UBR4: variants seen among roughly 807,000 people sequenced by gnomAD.
UBR4 encodes the protein E3 ubiquitin-protein ligase UBR4.
A neutral mutation model predicts 575.6 loss-of-function variants in UBR4; 124 were observed. The observed-to-expected ratio is 0.22, with a 90% CI of 0.19 to 0.25. The LOEUF is 0.25. Ranked by LOEUF, UBR4 falls within the 10% of genes least tolerant of loss-of-function variation. The pLI is 1.00. For synonymous variants in UBR4, 2,455 were observed against 2,473.7 expected (o/e 0.99, Z 0.22); for missense variants, 4,818 against 6,478.8 (o/e 0.74, Z 8.80).
chr1:19,120,195 G>T lies in UBR4; in HGVS notation c.10295C>A (p.Thr3432Lys). The T allele has an allele frequency of 6.2e-7, 1 of 1,614,204 alleles. No individual in the cohort carries two copies. The highest frequency in any genetic ancestry group is 8.5e-7 in the Non-Finnish European group (1 of 1,180,010). The change falls in exon 69 of 106, where the codon ACA (threonine) becomes AAA (lysine). Residue 3432 changes from threonine (T) to lysine (K), a missense_variant. Thr to Lys is a moderately conservative substitution (Grantham distance 78). Transcript: ENST00000375254. ...CTGGCCCTACCTGTAGATGTGCAGT[G>T]TCAGACAGTGGGCCTGCCAGCGCAC... is the stretch of plus-strand genomic sequence containing the variant. The part of the protein sequence containing the change: ...SSVRWQAHCL[T>K]LHIYRNSSKS...
At chr1:19,123,755 AC>A (rs1209785847) in intron 65 of UBR4, among the ~76,000 whole-genome samples, 1 of 152,140 alleles carries the variant, frequency 6.6e-6, no homozygotes, top group Admixed American at 6.5e-5. Context: ...CAACTATGTA[AC>A]TCAAAATCCT....
Position 19,089,023 on chromosome 1 carries a change from C to CA in UBR4, c.14212-47dup. ...AGACACATGCCTCCAATTATGTAGA[C>CA]AAACCTTCTTCCCGGGAGCTTAAAG... On this transcript the variant is annotated intron_variant, in intron 97 of 105. Transcript: ENST00000375254. This position sits in a 1 kb window ranked among gnomAD's most constrained non-coding sequence, Gnocchi z 4.3. The CA allele has an allele frequency of 2.5e-6, 4 of 1,590,438 alleles. No homozygotes were observed. The highest frequency in any genetic ancestry group is 3.4e-6 in the Non-Finnish European group (4 of 1,162,628).
rs1395880678 is a variant in UBR4 at position 19,151,801 on chromosome 1, A to G, written c.7055T>C (p.Met2352Thr). 1 of 1,614,054 alleles carries G rather than the reference A, an allele frequency of 6.2e-7. No individual in the cohort carries two copies. Among genetic ancestry groups the G allele is most frequent in the African/African-American group, 1.3e-5 (1 of 75,048 alleles). The stretch of plus-strand genomic sequence containing the variant: ...TGCTTGAGTCCCAATCTGGATCCGC[A>G]TGCCTGTCATCACCATAGTGCTATT... ...NNNSTMVMTG[M>T]RIQIGTQAIE... The change falls in exon 48 of 106, where the codon ATG (methionine) becomes ACG (threonine). Residue 2352 changes from methionine to threonine, a missense_variant. This residue lies in a region of UBR4 where 461 missense variants were observed against 606.9 expected (regional missense o/e 0.76). Coordinates refer to ENST00000375254, the MANE Select transcript of UBR4 (RefSeq NM_020765.3).
intron 87 of UBR4, among the ~76,000 whole-genome samples, chr1:19,102,159 A>G (rs1406354091): frequency 6.6e-6 from 1 of 152,250 alleles, no homozygotes; most frequent in Non-Finnish European, 1.5e-5. Context: ...TGAGCTCAAA[A>G]GCTGGAGACC....
chr1:19,131,095 G>T (rs916488875), intron 60 of UBR4, among the ~76,000 whole-genome samples: 20 of 151,306 alleles, frequency 1.3e-4, no homozygotes, highest in Admixed American at 1.3e-3. Context: ...TTTTTGTAGA[G>T]ACAGGGTCTC....
chr1:19,094,219 A>G, intron 94 of UBR4, 80 bp from the exon 95 acceptor site: 1 of 1,117,336 alleles, frequency 8.9e-7, no homozygotes, highest in Non-Finnish European at 1.3e-6. Flanking sequence ...CCCAAAAGTC[A>G]CCACTTCCAT....
In UBR4 at chr1:19,104,553, T is replaced by C. The variant is rs756099217; in HGVS notation, c.12727+32A>G. The stretch of plus-strand genomic sequence containing the variant: ...GGGTTGTCCCTAAACAGATTCAGGA[T>C]GCCCTAAAGGAAGGTCCAGGTGGCT... On this transcript the variant is annotated intron_variant, in intron 86 of 105. Coordinates refer to ENST00000375254, the MANE Select transcript of UBR4 (RefSeq NM_020765.3). 7 of 1,610,806 alleles carry C rather than the reference T, an allele frequency of 4.3e-6. No individual in the cohort carries two copies. The Admixed American group carries it at 1.2e-4, about 27-fold the overall frequency.
chr1:19,105,159 C>G lies in UBR4; in HGVS notation c.12534G>C (p.Glu4178Asp). 4 of 1,614,094 alleles carry G rather than the reference C, an allele frequency of 2.5e-6. No homozygotes were observed. The highest frequency in any genetic ancestry group is 3.4e-6 in the Non-Finnish European group (4 of 1,179,976). The change falls in exon 85 of 106, where the codon GAG becomes GAC. Residue 4178 changes from glutamate to aspartate, a missense_variant. Physicochemically the swap from Glu to Asp is conservative, Grantham distance 45. Around this residue, in one of 29 missense-constraint regions of UBR4, gnomAD observed 178 missense variants for 175.5 expected, o/e 1.01. Coordinates refer to ENST00000375254, the MANE Select transcript of UBR4 (RefSeq NM_020765.3). ...AGAGAGCCAGGTACTCAGCTGCACA[C>G]TCCCCAGCTATGCTCAGCTCATCCA... ...SYLDELSIAGECAAEYLALYQ... is the reference protein window; with the variant it reads ...SYLDELSIAGDCAAEYLALYQ...
intron 81 of UBR4, among the ~76,000 whole-genome samples, chr1:19,109,534 G>A (rs2079605960): frequency 6.6e-6 from 1 of 152,240 alleles, no homozygotes; most frequent in African/African-American, 2.4e-5. Flanking sequence ...GAAAGCAGGA[G>A]ATAGCCACAG....
Position 19,176,578 on chromosome 1 carries a change from GTCT to G in UBR4, c.2773+11_2773+13del. ...TCAGTAAGTCAGTTTCTTATTAACA[GTCT>G]TCTTTCTGACCTGATGAGAAATGCT... On this transcript the variant is annotated intron_variant, in intron 20 of 105. Transcript: ENST00000375254. 1 of 1,611,392 alleles carries G rather than the reference GTCT, an allele frequency of 6.2e-7. No homozygotes were observed. Among genetic ancestry groups the G allele is most frequent in the Non-Finnish European group, 8.5e-7 (1 of 1,178,660 alleles).
At chr1:19,134,221 A>AAT (rs1279226733) in intron 60 of UBR4, among the ~76,000 whole-genome samples, 1 of 149,602 alleles carries the variant, frequency 6.7e-6, no homozygotes, top group Non-Finnish European at 1.5e-5. Context: ...GCCACTGCAC[A>AAT]CCAGCCTGGG....
intron 29 of UBR4, among the ~76,000 whole-genome samples, chr1:19,166,714 C>CA (rs535369262): frequency 8.1e-5 from 6 of 73,756 alleles, no homozygotes; most frequent in Non-Finnish European, 1.2e-4. Flanking sequence ...CCATCTCTAC[C>CA]AAAAAAAAAA....
chr1:19,170,820 C>T lies in UBR4; in HGVS notation c.3585G>A (p.Leu1195=), dbSNP rs769270516. 6.2e-7 allele frequency: 1 copy of T among 1,614,184 alleles called. No individual in the cohort carries two copies. Among genetic ancestry groups the T allele is most frequent in the South Asian group, 1.1e-5 (1 of 91,080 alleles). Residue 1195 remains leucine, a synonymous_variant, in exon 26 of 106, where the codon CTG becomes CTA. Transcript: ENST00000375254. Reference sequence around the variant, plus strand: ...TAGCCAAAACAGCAGCAAAGCCTTGCAGTTTCTCCTTGGAAGGTTTCTCAG... The same window carrying T: ...TAGCCAAAACAGCAGCAAAGCCTTGTAGTTTCTCCTTGGAAGGTTTCTCAG... The part of the protein sequence containing the change: ...GTTEKPSKEK[L]QGFAAVLAIG...
chr1:19,144,152 A>C (rs1258388970), intron 54 of UBR4, 61 bp from the exon 55 acceptor site: 19 of 1,486,978 alleles, frequency 1.3e-5, no homozygotes, highest in Non-Finnish European at 1.7e-5. Flanking sequence ...ACTCTCTATA[A>C]AACACTTTCC....
intron 17 of UBR4, among the ~76,000 whole-genome samples, chr1:19,180,446 T>C (rs893462835): frequency 4.0e-5 from 6 of 151,150 alleles, no homozygotes; most frequent in African/African-American, 1.2e-4. Flanking sequence ...ACCTCCCAAG[T>C]GCCACGGCGC....
intron 60 of UBR4, among the ~76,000 whole-genome samples, chr1:19,133,204 A>G (rs891411956): frequency 6.6e-6 from 1 of 152,234 alleles, no homozygotes; most frequent in African/African-American, 2.4e-5. Context: ...GTCACATGAT[A>G]TAAAGGAAAA....
chr1:19,163,820 A>G lies in UBR4; in HGVS notation c.4708T>C (p.Tyr1570His), dbSNP rs2087807073. The change falls in exon 34 of 106, where the codon TAC becomes CAC. Residue 1570 changes from tyrosine (Y) to histidine (H), a missense_variant. By Grantham distance (83) the Tyr-to-His change is moderately conservative. Around this residue, in one of 29 missense-constraint regions of UBR4, gnomAD observed 1,172 missense variants for 1,259.7 expected, o/e 0.93. Transcript: ENST00000375254. Reference protein sequence around the residue: ...AVDWLSRCKKYLSQKNVVEKL... With the variant: ...AVDWLSRCKKHLSQKNVVEKL... Reference sequence around the variant, plus strand: ...TCAACTACATTCTTCTGTGACAGGTATTTCTTGCTGTCCCAAAGAAAAAAA... The same window carrying G: ...TCAACTACATTCTTCTGTGACAGGTGTTTCTTGCTGTCCCAAAGAAAAAAA... The G allele has an allele frequency of 6.2e-7, 1 of 1,614,034 alleles. No homozygotes were observed. Among genetic ancestry groups the G allele is most frequent in the Non-Finnish European group, 8.5e-7 (1 of 1,180,038 alleles).
intron 17 of UBR4, 75 bp downstream of exon 17, chr1:19,183,736 A>G: frequency 6.8e-7 from 1 of 1,473,350 alleles, no homozygotes; most frequent in Non-Finnish European, 9.4e-7. Context: ...AAACAAACAA[A>G]CAAACAATTG....
intron 35 of UBR4, among the ~76,000 whole-genome samples, 169 bp from the exon 36 acceptor site, chr1:19,162,066 C>T (rs1267903346): frequency 3.3e-5 from 5 of 152,198 alleles, no homozygotes; most frequent in Non-Finnish European, 7.3e-5. Flanking sequence ...TCTGTTGTTA[C>T]TTCAGGTGAG....
Sources: allele counts gnomAD v4.1 joint callset (sites outside exome capture counted in the v4.1 genomes callset), GRCh38; gene constraint gnomAD v4.1.1; regional missense constraint gnomAD v4.1.1; non-coding constraint Gnocchi (gnomAD v3.1); transcripts MANE v1.5; gene names NCBI Gene and HGNC (gene_info 2026-07-23, HGNC 2026-07-21).